KIF26B: variants seen among roughly 807,000 people sequenced by gnomAD.
The protein encoded by KIF26B is kinesin-like protein KIF26B.
A neutral mutation model predicts 151.2 loss-of-function variants in KIF26B; 63 were observed. The ratio of observed to expected loss-of-function variants is 0.42; its 90% CI spans 0.34 to 0.51. The LOEUF (loss-of-function observed/expected upper bound fraction) is 0.51, where lower values mean the gene tolerates loss of function less well. Among genes scored for constraint, KIF26B ranks in the 20% least tolerant of loss-of-function variants. KIF26B has a pLI of 0.07. For synonymous variants in KIF26B, 1,357 were observed against 1,262.1 expected (o/e 1.08, Z -1.59); for missense variants, 2,813 against 2,913.6 (o/e 0.97, Z 0.79).
Position 245,602,472 on chromosome 1 carries a change from G to C in KIF26B, c.1351-105G>C. 4.8e-6 allele frequency: 4 copies of C among 826,850 alleles called. No individual in the cohort carries two copies. The highest frequency in any genetic ancestry group is 7.9e-6 in the Non-Finnish European group (4 of 509,090). 51.2% of individuals were successfully genotyped at this position (826,850 alleles called of 1,614,324 possible). A position where few individuals can be genotyped will look rare whatever the true frequency, so the allele number is the denominator to read the frequency against. On this transcript the variant is annotated intron_variant, in intron 5 of 14. Transcript: ENST00000407071. This position sits in a 1 kb window ranked among gnomAD's most constrained non-coding sequence, Gnocchi z 4.5. ...TTTCATCATAATTTATCCTGAGAAA[G>C]TTCAGTGCTGCCATGTGCATGTATA...
intron 3 of KIF26B, among the ~76,000 whole-genome samples, chr1:245,413,630 T>C (rs187309053): frequency 4.9e-4 from 74 of 152,318 alleles, no homozygotes; most frequent in Non-Finnish European, 9.9e-4. Context: ...ACCACTGCAC[T>C]CCAGCCTGGG....
Position 245,168,014 on chromosome 1 carries a change from A to G in KIF26B, c.465+11331A>G, listed in dbSNP as rs116339572. 9.1e-3 allele frequency among the ~76,000 whole-genome samples: 1,390 copies of G among 152,320 alleles called. 21 individuals carry two copies. Among genetic ancestry groups the G allele is most frequent in the African/African-American group, 0.031 (1,292 of 41,568 alleles). Reference sequence around the variant, plus strand: ...ACAGAGGTGCAGTCCTGCTTCCAGCACTGATAAGCATTATGATCTTGGGAG... The same window carrying G: ...ACAGAGGTGCAGTCCTGCTTCCAGCGCTGATAAGCATTATGATCTTGGGAG... On this transcript the variant is annotated intron_variant, in intron 2 of 14. Transcript: ENST00000407071.
At chr1:245,454,785 T>C (rs1160080804) in intron 4 of KIF26B, among the ~76,000 whole-genome samples, 1 of 152,184 alleles carries the variant, frequency 6.6e-6, no homozygotes, top group African/African-American at 2.4e-5. Context: ...TTTTTCTTTC[T>C]CCTTTTTCCT....
At chr1:245,359,336 A>G (rs1672766272) in intron 2 of KIF26B, among the ~76,000 whole-genome samples, 1 of 152,208 alleles carries the variant, frequency 6.6e-6, no homozygotes, top group East Asian at 1.9e-4. Context: ...CTCTTTCTAC[A>G]TCTTCTGGGA....
At chr1:245,327,272 C>T (rs1672010059) in intron 2 of KIF26B, among the ~76,000 whole-genome samples, 2 of 152,312 alleles carry the variant, frequency 1.3e-5, no homozygotes, top group African/African-American at 4.8e-5. Flanking sequence ...TTCCCCCTTA[C>T]TTATGCCCTA....
chr1:245,188,769 C>T (rs1019650239), intron 2 of KIF26B, among the ~76,000 whole-genome samples: 9 of 152,298 alleles, frequency 5.9e-5, no homozygotes, highest in East Asian at 1.9e-4. Context: ...CACCCATGTT[C>T]GTAGCAACAT....
At chr1:245,209,675 T>C (rs185139189) in intron 2 of KIF26B, among the ~76,000 whole-genome samples, 2 of 152,180 alleles carry the variant, frequency 1.3e-5, no homozygotes, top group Admixed American at 1.3e-4. Context: ...ATTTCAGGGG[T>C]AAATTCCGAG....
chr1:245,266,274 A>C (rs1670743442), intron 2 of KIF26B, among the ~76,000 whole-genome samples: 1 of 152,206 alleles, frequency 6.6e-6, no homozygotes, highest in African/African-American at 2.4e-5. Context: ...ACTGGTGAAA[A>C]TATGAGTCTG....
intron 4 of KIF26B, among the ~76,000 whole-genome samples, chr1:245,502,784 G>T (rs1005786766): frequency 6.6e-6 from 1 of 151,880 alleles, no homozygotes; most frequent in Non-Finnish European, 1.5e-5. Flanking sequence ...ACATCAGTGG[G>T]TACCAACTGT....
At chr1:245,684,113 T>G (rs776724075) in intron 10 of KIF26B, 120 bp from the exon 11 acceptor site, 4 of 1,051,910 alleles carry the variant, frequency 3.8e-6, no homozygotes, top group Non-Finnish European at 4.1e-6. Context: ...AGTATGCCAT[T>G]AAAAAGGGTG....
chr1:245,380,877 G>A (rs1009568541), intron 3 of KIF26B, among the ~76,000 whole-genome samples: 1 of 150,804 alleles, frequency 6.6e-6, no homozygotes, highest in East Asian at 2.0e-4. Context: ...AACTCAATGC[G>A]CTGTATTGTA....
intron 11 of KIF26B, 115 bp from the exon 12 acceptor site, chr1:245,685,290 G>A: frequency 1.2e-6 from 1 of 868,984 alleles, no homozygotes; most frequent in Non-Finnish European, 1.7e-6. Flanking sequence ...GGCCAACGGG[G>A]GTGGCTGTCA....
At chr1:245,394,924 T>C (rs1673794199) in intron 3 of KIF26B, among the ~76,000 whole-genome samples, 1 of 152,242 alleles carries the variant, frequency 6.6e-6, no homozygotes, top group Admixed American at 6.5e-5. Context: ...ACTCCTGACC[T>C]CAGGTGATCA....
chr1:245,344,419 C>G (rs1486284260), intron 2 of KIF26B, among the ~76,000 whole-genome samples: 1 of 144,162 alleles, frequency 6.9e-6, no homozygotes, highest in Non-Finnish European at 1.5e-5. Flanking sequence ...GGCGTGAACC[C>G]GGAGGGCGGA....
chr1:245,701,567 G>A (rs9651081), intron 14 of KIF26B, among the ~76,000 whole-genome samples: 5 of 151,958 alleles, frequency 3.3e-5, no homozygotes, highest in African/African-American at 1.2e-4. Flanking sequence ...GCAGACAGCG[G>A]CCACTCTAAG....
rs996672221 is a variant in KIF26B at position 245,702,927 on chromosome 1, C to G, written c.*321C>G. ...TGCTAGCAAAAGAGACCTCACTCTT[C>G]TCTTGCTTTCGTGAGAAAGGAGGGG... is the stretch of plus-strand genomic sequence containing the variant. On this transcript the variant is annotated 3_prime_UTR_variant, in exon 15 of 15. Transcript: ENST00000407071. The surrounding 1 kb of genome is among the most constrained non-coding windows in gnomAD (Gnocchi z 4.1). 1.1e-5 allele frequency: 3 copies of G among 273,862 alleles called. No individual in the cohort carries two copies. Among genetic ancestry groups the G allele is most frequent in the Non-Finnish European group, 2.0e-5 (3 of 147,042 alleles). The allele number at this position is 273,862 out of a possible 1,614,324, so 17.0% of individuals were successfully genotyped here. A position where few individuals can be genotyped will look rare whatever the true frequency, so the allele number is the denominator to read the frequency against.
At chr1:245,303,971 G>T (rs989089174) in intron 2 of KIF26B, among the ~76,000 whole-genome samples, 1 of 152,226 alleles carries the variant, frequency 6.6e-6, no homozygotes, top group Admixed American at 6.5e-5. Context: ...TCGAGTTAAT[G>T]ACTATGTTGG....
chr1:245,663,039 T>A (rs2044174753), intron 10 of KIF26B, among the ~76,000 whole-genome samples: 1 of 151,784 alleles, frequency 6.6e-6, no homozygotes, highest in African/African-American at 2.4e-5. Context: ...CTCTCTCCAT[T>A]CTTCCCTTCT....
intron 4 of KIF26B, among the ~76,000 whole-genome samples, chr1:245,484,637 T>C (rs982931073): frequency 6.8e-6 from 1 of 147,476 alleles, no homozygotes; most frequent in African/African-American, 2.4e-5. Flanking sequence ...ATTTGGACTT[T>C]GTTCCAAATT....
Sources: gnomAD v4.1 joint callset for allele counts (sites outside exome capture counted in the v4.1 genomes callset) on GRCh38, gnomAD v4.1.1 for gene constraint, Gnocchi (gnomAD v3.1) non-coding constraint, MANE v1.5 for transcripts, NCBI Gene and HGNC (gene_info 2026-07-23, HGNC 2026-07-21) for gene names.